The following TYW1B variants were observed in gnomAD, a reference collection of about 807,000 sequenced individuals.
The protein encoded by TYW1B is tRNA-yW synthesizing protein 1 homolog B.
In TYW1B, 73 loss-of-function variants were observed where a neutral mutation model predicts 86.9. The observed-to-expected ratio is 0.84, with a 90% CI of 0.70 to 1.02. The LOEUF (loss-of-function observed/expected upper bound fraction) is 1.02. Among genes scored for constraint, TYW1B ranks in the 50% least tolerant of loss-of-function variants. The probability of loss-of-function intolerance (pLI) is 0.00; values close to 1 mark genes in which losing one functional copy is unlikely to be tolerated. For synonymous variants in TYW1B, 248 were observed against 292.8 expected, an observed-to-expected ratio of 0.85 and a Z score of 1.56; for missense variants, 637 against 827.4, an observed-to-expected ratio of 0.77 and a Z score of 2.82.
intron 2 of TYW1B, among the ~76,000 whole-genome samples, chr7:72,816,510 G>GCC (rs1429042511): frequency 6.6e-6 from 1 of 152,216 alleles, no homozygotes; most frequent in Non-Finnish European, 1.5e-5. Flanking sequence ...GAAGCTCTGG[G>GCC]TTGGGAGCAG....
chr7:72,742,321 G>C (rs13247178), intron 8 of TYW1B, among the ~76,000 whole-genome samples: 13,740 of 152,140 alleles, frequency 0.09, 885 homozygotes, highest in Middle Eastern at 0.19. Context: ...GTAGAGACAA[G>C]GTTTCATCAT....
rs1554479204 is a variant in TYW1B at position 72,815,374 on chromosome 7, A to G, written c.237+6T>C. The G allele has an allele frequency of 1.3e-6, 2 of 1,581,820 alleles. No individual in the cohort carries two copies. The highest frequency in any genetic ancestry group is 1.7e-6 in the Non-Finnish European group (2 of 1,169,426). On this transcript the variant is annotated splice_donor_region_variant and intron_variant, in intron 3 of 13. Coordinates refer to ENST00000620995, the MANE Select transcript of TYW1B (RefSeq NM_001145440.3). ...GTTTTGATTGAAGAAAAAGACAATTACCAACCTCTTCTATCAGATGATCAT... is the reference window on the plus strand; with the variant it reads ...GTTTTGATTGAAGAAAAAGACAATTGCCAACCTCTTCTATCAGATGATCAT...
chr7:72,764,944 T>C (rs1305228055), intron 7 of TYW1B, among the ~76,000 whole-genome samples: 1 of 152,210 alleles, frequency 6.6e-6, no homozygotes, highest in Non-Finnish European at 1.5e-5. Context: ...CCATTTGCTT[T>C]TCCTTCCTAT....
At chr7:72,809,687 TAA>T (rs1194362162) in intron 4 of TYW1B, among the ~76,000 whole-genome samples, 1 of 151,984 alleles carries the variant, frequency 6.6e-6, no homozygotes, top group Non-Finnish European at 1.5e-5. Context: ...AAATTTTTTT[TAA>T]GAGTTCACCT....
At position 72,670,746 on chromosome 7, in the gene TYW1B, A is replaced by G. The variant is rs538595871; in HGVS notation, c.1506+23941T>C. ...CTGAACACTTCCAAAAGGCGGGGGA[A>G]TAAATGGAGTATGAAAGGAAACACT... On this transcript the variant is annotated intron_variant, in intron 11 of 13. Coordinates refer to ENST00000620995, the MANE Select transcript of TYW1B (RefSeq NM_001145440.3). 9.2e-5 allele frequency among the ~76,000 whole-genome samples: 14 copies of G among 152,304 alleles called. No individual in the cohort carries two copies. In the East Asian group the frequency reaches 2.7e-3, roughly 29 times the overall value.
At chr7:72,811,895 G>A (rs1788626869) in intron 3 of TYW1B, among the ~76,000 whole-genome samples, 1 of 145,590 alleles carries the variant, frequency 6.9e-6, no homozygotes, top group South Asian at 2.3e-4. Context: ...CTCCAGCCTG[G>A]GCAACGAAGC....
intron 13 of TYW1B, among the ~76,000 whole-genome samples, chr7:72,602,241 A>G (rs564352891): frequency 2.0e-5 from 3 of 152,220 alleles, no homozygotes; most frequent in South Asian, 4.2e-4. Context: ...GCTGTGCTCC[A>G]GGGTTAACAA....
chr7:72,696,779 G>C (rs1439849969), intron 10 of TYW1B, among the ~76,000 whole-genome samples: 3 of 152,126 alleles, frequency 2.0e-5, no homozygotes, highest in Non-Finnish European at 2.9e-5. Context: ...AAAGTGGAGA[G>C]GCTCTGACCA....
chr7:72,712,397 C>T (rs1323070674), intron 10 of TYW1B, among the ~76,000 whole-genome samples: 1 of 152,112 alleles, frequency 6.6e-6, no homozygotes, highest in African/African-American at 2.4e-5. Flanking sequence ...GGTGCGATCT[C>T]GGCTCACCGA....
chr7:72,804,912 T>C (rs868943178), intron 5 of TYW1B, among the ~76,000 whole-genome samples: 26 of 152,316 alleles, frequency 1.7e-4, no homozygotes, highest in African/African-American at 5.8e-4. Context: ...TGATAACTTC[T>C]CCTTAGACTC....
intron 2 of TYW1B, among the ~76,000 whole-genome samples, chr7:72,825,330 C>G (rs1788910584): frequency 6.6e-6 from 1 of 152,130 alleles, no homozygotes; most frequent in East Asian, 1.9e-4. Context: ...ACTTTAGTGT[C>G]TACCTTTAAC....
At position 72,698,603 on chromosome 7, in the gene TYW1B, G is replaced by A. The variant is rs188461694; in HGVS notation, c.1371-3781C>T. On this transcript the variant is annotated intron_variant, in intron 10 of 13. Transcript: ENST00000620995. ...GGAGGCTGCAGTGAGCCGAGATCAC[G>A]CCACTGTACTCCAGCCTGGGCAACA... Among the ~76,000 whole-genome samples the A allele has an allele frequency of 4.0e-3, 595 of 149,660 alleles. 3 individuals carry two copies. Among genetic ancestry groups the A allele is most frequent in the African/African-American group, 0.014 (566 of 40,544 alleles).
In TYW1B at chr7:72,728,930, G is replaced by A. The variant is rs782468726; in HGVS notation, c.1084C>T (p.His362Tyr). 1.2e-6 allele frequency: 2 copies of A among 1,613,450 alleles called. No homozygotes were observed. Among genetic ancestry groups the A allele is most frequent in the South Asian group, 1.1e-5 (1 of 90,958 alleles). Residue 362 changes from histidine (H) to tyrosine (Y), a missense_variant and splice_region_variant, in exon 9 of 14, where the codon CAC becomes TAC. By Grantham distance (83) the His-to-Tyr change is moderately conservative. Transcript: ENST00000620995. ...TCAGTGCCCACAGGGTTGTTGTGGT[G>A]CCTAGGAACAAGACGCAAAGTTCTA... ...CANKCVFCWW[H>Y]HNNPVGTEWL...
intron 11 of TYW1B, 43 bp downstream of exon 11, chr7:72,694,644 C>G (rs1814265317): frequency 1.3e-6 from 2 of 1,573,910 alleles, no homozygotes; most frequent in Admixed American, 2.0e-5. Context: ...TCAGTACACA[C>G]CTGAGGGTTG....
intron 12 of TYW1B, among the ~76,000 whole-genome samples, chr7:72,625,352 C>T (rs1812318770): frequency 6.6e-6 from 1 of 152,160 alleles, no homozygotes; most frequent in African/African-American, 2.4e-5. Flanking sequence ...GGTGCAGTGG[C>T]TCACGTCTGT....
chr7:72,648,793 G>A (rs565453717), intron 11 of TYW1B, among the ~76,000 whole-genome samples: 2 of 152,236 alleles, frequency 1.3e-5, no homozygotes, highest in East Asian at 3.9e-4. Flanking sequence ...GTGTGAAGGA[G>A]TAAGCGGAGG....
chr7:72,671,917 A>G (rs1332034065), intron 11 of TYW1B, among the ~76,000 whole-genome samples: 1 of 151,802 alleles, frequency 6.6e-6, no homozygotes, highest in Non-Finnish European at 1.5e-5. Context: ...ATTCAAGGAA[A>G]GAATAGGAGG....
intron 8 of TYW1B, among the ~76,000 whole-genome samples, chr7:72,738,053 C>T (rs182930754): frequency 3.3e-5 from 5 of 149,934 alleles, no homozygotes; most frequent in African/African-American, 9.8e-5. Context: ...GGATTACAGG[C>T]GTGAGCCACC....
chr7:72,621,519 T>C (rs1403557055), intron 12 of TYW1B, among the ~76,000 whole-genome samples: 4 of 152,226 alleles, frequency 2.6e-5, no homozygotes, highest in Non-Finnish European at 5.9e-5. Context: ...CTCAGCATCC[T>C]GTCTGCACCT....
Sources: gnomAD v4.1 joint callset for allele counts (sites outside exome capture counted in the v4.1 genomes callset) on GRCh38, gnomAD v4.1.1 for gene constraint, MANE v1.5 for transcripts, NCBI Gene and HGNC (gene_info 2026-07-23, HGNC 2026-07-21) for gene names.